The following TNS1 variants were observed in gnomAD, a reference collection of about 807,000 sequenced individuals.
TNS1 encodes the protein tensin 1.
Under a neutral mutation model 168.6 loss-of-function variants are expected in TNS1, and 62 were observed. That is an observed-to-expected ratio of 0.37 (90% CI 0.30 to 0.45). TNS1 has a LOEUF of 0.45. TNS1 is among the 20% of genes least tolerant of loss of function. The pLI is 1.00. For synonymous variants in TNS1, 934 were observed against 933.2 expected (o/e 1.00, Z -0.02); for missense variants, 2,240 against 2,339.4 (o/e 0.96, Z 0.88).
intron 25 of TNS1, chr2:217,814,041 A>G (rs1941459666): frequency 8.0e-6 from 3 of 372,810 alleles, no homozygotes; most frequent in Non-Finnish European, 9.3e-6. Flanking sequence ...TCACTCTGTC[A>G]CTCAGGCTGG....
At chr2:218,014,917 AAGGAAGGCAGGC>A (rs1254434644), upstream of TNS1, among the ~76,000 whole-genome samples, 278 of 76,616 alleles carry the variant, frequency 3.6e-3, no homozygotes, top group African/African-American at 0.01. Context: ...GGAAGGAAGG[AAGGAAGGCAGGC>A]AGGCAGGCAG....
At chr2:218,023,372 C>T (rs1958825946) in intron 1 of TNS1, among the ~76,000 whole-genome samples, 1 of 152,206 alleles carries the variant, frequency 6.6e-6, no homozygotes, top group Non-Finnish European at 1.5e-5. Context: ...CGGCTCAGGT[C>T]CCCCTTCAGG....
chr2:217,926,514 G>A (rs1015087641), intron 3 of TNS1, among the ~76,000 whole-genome samples: 4 of 152,126 alleles, frequency 2.6e-5, no homozygotes, highest in African/African-American at 9.7e-5. Context: ...AGGAAACTGG[G>A]GTTTGTAGAG....
intron 4 of TNS1, among the ~76,000 whole-genome samples, chr2:217,913,772 G>T (rs775779729): frequency 3.3e-5 from 5 of 152,060 alleles, no homozygotes; most frequent in African/African-American, 4.8e-5. Context: ...TCCACTGCTT[G>T]CTCTCTCTTC....
chr2:217,835,985 A>G, intron 20 of TNS1, 30 bp downstream of exon 20: 1 of 1,588,320 alleles, frequency 6.3e-7, no homozygotes, highest in South Asian at 1.1e-5. Context: ...ACTACCCTCC[A>G]TAGCCCCAAG....
Position 217,900,458 on chromosome 2 carries a change from C to A in TNS1, c.371+5G>T. ...CCGCCCCCTGCCCCCACGGGCCAGGCATACCTGATGGGCTGGAGGTGGGGC... is the reference window on the plus strand; with the variant it reads ...CCGCCCCCTGCCCCCACGGGCCAGGAATACCTGATGGGCTGGAGGTGGGGC... On this transcript the variant is annotated splice_donor_5th_base_variant and intron_variant, in intron 7 of 32. Coordinates refer to ENST00000682258, the MANE Select transcript of TNS1 (RefSeq NM_001387777.1). The A allele has an allele frequency of 6.5e-7, 1 of 1,535,222 alleles. No individual in the cohort carries two copies. The highest frequency in any genetic ancestry group is 8.7e-7 in the Non-Finnish European group (1 of 1,146,760).
At chr2:217,909,751 G>A (rs115751695) in intron 4 of TNS1, among the ~76,000 whole-genome samples, 11 of 152,222 alleles carry the variant, frequency 7.2e-5, no homozygotes, top group Non-Finnish European at 1.3e-4. Flanking sequence ...ATCAGCTTGG[G>A]AGCAGGTGGC....
At chr2:217,902,720 C>T (rs960658120) in intron 6 of TNS1, among the ~76,000 whole-genome samples, 6 of 152,152 alleles carry the variant, frequency 3.9e-5, no homozygotes, top group African/African-American at 9.7e-5. Context: ...TCTGCTCCAC[C>T]GGGCGGGGAG....
At chr2:218,008,389 C>A (rs553772457) in intron 1 of TNS1, among the ~76,000 whole-genome samples, 1 of 152,186 alleles carries the variant, frequency 6.6e-6, no homozygotes, top group African/African-American at 2.4e-5. Context: ...CCTCTACCTC[C>A]GCAAATGGGG....
chr2:218,008,125 C>A (rs1414460356), intron 1 of TNS1, among the ~76,000 whole-genome samples: 1 of 152,192 alleles, frequency 6.6e-6, no homozygotes, highest in East Asian at 1.9e-4. Flanking sequence ...ACACCCCTTC[C>A]CCTACCGCCC....
intron 4 of TNS1, among the ~76,000 whole-genome samples, chr2:217,907,816 G>A (rs548735073): frequency 1.3e-5 from 2 of 152,188 alleles, no homozygotes; most frequent in Non-Finnish European, 2.9e-5. Flanking sequence ...CCATTTCCAA[G>A]CACAAAGGCT....
rs182321285 is a variant in TNS1, at chr2:217,813,167, C to T, written c.4954+48G>A. Reference sequence around the variant, plus strand: ...ACCCCTGGAGGAACCCAGGACAGGACCAAGACTCAGGCCAGACTGTAGAGA... The same window carrying T: ...ACCCCTGGAGGAACCCAGGACAGGATCAAGACTCAGGCCAGACTGTAGAGA... On this transcript the variant is annotated intron_variant, in intron 27 of 32. Coordinates refer to ENST00000682258, the MANE Select transcript of TNS1 (RefSeq NM_001387777.1). This position sits in a 1 kb window ranked among gnomAD's most constrained non-coding sequence, Gnocchi z 4.0. 60 of 1,461,764 alleles carry T rather than the reference C, an allele frequency of 4.1e-5. 1 individual carries two copies. In the African/African-American group the frequency reaches 6.6e-4, roughly 16 times the overall value. The allele number at this position is 1,461,764 out of a possible 1,614,324, so 90.5% of individuals were successfully genotyped here.
At chr2:217,855,050 A>G (rs1947960786) in intron 18 of TNS1, among the ~76,000 whole-genome samples, 1 of 152,172 alleles carries the variant, frequency 6.6e-6, no homozygotes. Context: ...CTTAAGCTAG[A>G]CCTGGCATAT....
chr2:217,996,703 T>C (rs1958476407), intron 1 of TNS1, among the ~76,000 whole-genome samples: 1 of 152,024 alleles, frequency 6.6e-6, no homozygotes, highest in African/African-American at 2.4e-5. Flanking sequence ...ATATCAGGCC[T>C]TGGCACTTCT....
At chr2:217,958,834 G>A (rs903231932) in intron 3 of TNS1, among the ~76,000 whole-genome samples, 1 of 152,216 alleles carries the variant, frequency 6.6e-6, no homozygotes, top group Non-Finnish European at 1.5e-5. Context: ...CCTGAAGAAG[G>A]CTTCCTCCTT....
rs1026718824 is a variant in TNS1, at chr2:217,909,524, T to G, written c.229-2273A>C. Among the ~76,000 whole-genome samples the G allele has an allele frequency of 7.9e-5, 12 of 151,866 alleles. No homozygotes were observed. The South Asian group carries it at 2.1e-3, about 26-fold the overall frequency. On this transcript the variant is annotated intron_variant, in intron 4 of 32. Coordinates refer to ENST00000682258, the MANE Select transcript of TNS1 (RefSeq NM_001387777.1). ...AGCCCAGGGGTCTCAAACTTGAACATGCATAGCACCACCTAGAGGGCTGTT... is the reference window on the plus strand; with the variant it reads ...AGCCCAGGGGTCTCAAACTTGAACAGGCATAGCACCACCTAGAGGGCTGTT...
At chr2:217,820,824 G>A (rs1216342720) in intron 23 of TNS1, among the ~76,000 whole-genome samples, 3 of 152,050 alleles carry the variant, frequency 2.0e-5, no homozygotes, top group African/African-American at 4.8e-5. Flanking sequence ...TGTCAGCAGG[G>A]ACTGTCACCC....
intron 1 of TNS1, among the ~76,000 whole-genome samples, chr2:218,008,933 T>TA (rs1380835062): frequency 2.0e-5 from 3 of 152,206 alleles, no homozygotes; most frequent in African/African-American, 7.2e-5. Context: ...TAGGCACAGT[T>TA]AAACACTTTA....
chr2:217,836,723 G>T (rs75332772), intron 19 of TNS1, among the ~76,000 whole-genome samples: 12 of 152,280 alleles, frequency 7.9e-5, no homozygotes, highest in East Asian at 1.9e-4. Context: ...CCCAGCCCCA[G>T]TTGGCCTCTG....
Sources: allele counts gnomAD v4.1 joint callset (sites outside exome capture counted in the v4.1 genomes callset), GRCh38; gene constraint gnomAD v4.1.1; non-coding constraint Gnocchi (gnomAD v3.1); transcripts MANE v1.5; gene names NCBI Gene and HGNC (gene_info 2026-07-23, HGNC 2026-07-21).